THBS4: variants seen among roughly 807,000 people sequenced by gnomAD.
THBS4 encodes thrombospondin 4.
A neutral mutation model predicts 115.7 loss-of-function variants in THBS4; 90 were observed. The observed-to-expected ratio is 0.78, with a 90% CI of 0.66 to 0.93. THBS4 has a LOEUF of 0.93. Ranked by LOEUF, THBS4 falls within the 40% of genes least tolerant of loss-of-function variation. THBS4 has a pLI of 0.00. For missense variants in THBS4, 1,087 were observed against 1,232.7 expected (o/e 0.88, Z 1.77); for synonymous variants, 460 against 479.3 (o/e 0.96, Z 0.53).
At chr5:80,068,338 G>C (rs1326213388) in intron 10 of THBS4, among the ~76,000 whole-genome samples, 1 of 152,110 alleles carries the variant, frequency 6.6e-6, no homozygotes, top group East Asian at 1.9e-4. Flanking sequence ...CTCCCTCTTG[G>C]CTGGGGGGCA....
chr5:80,064,234 C>A (rs1043803499), intron 8 of THBS4, among the ~76,000 whole-genome samples: 27 of 152,320 alleles, frequency 1.8e-4, no homozygotes, highest in African/African-American at 6.0e-4. Flanking sequence ...AGTTCCAAAT[C>A]TGTTATACAT....
At chr5:80,067,771 C>G in intron 9 of THBS4, 1 of 540,088 alleles carries the variant, frequency 1.9e-6, no homozygotes. Context: ...GTCTGAGTGG[C>G]CGGACGCAGC....
intron 5 of THBS4, 61 bp from the exon 6 acceptor site, chr5:80,059,379 C>A: frequency 2.1e-6 from 3 of 1,407,508 alleles, no homozygotes; most frequent in Non-Finnish European, 3.0e-6. Context: ...TGGATTCTTT[C>A]ATTCCTGGAT....
Position 80,000,046 on chromosome 5 carries a change from C to T in THBS4, n.177+1619C>T, listed in dbSNP as rs546192234. Among the ~76,000 whole-genome samples, 26 of 152,198 alleles carry T rather than the reference C, an allele frequency of 1.7e-4. No individual in the cohort carries two copies. The South Asian group carries it at 1.9e-3, about 11-fold the overall frequency. ...CTGAGGCAACAACATTAAAATCAAC[C>T]CAAGAAGTATACTGAGTAGGTATAT... On this transcript the variant is annotated intron_variant and non_coding_transcript_variant, in intron 2 of 3. Transcript: ENST00000510218.
chr5:79,993,851 G>A (rs978078083), intron 1 of THBS4, among the ~76,000 whole-genome samples: 11 of 152,190 alleles, frequency 7.2e-5, no homozygotes, highest in Non-Finnish European at 1.3e-4. Flanking sequence ...TCCCTTATGG[G>A]AAAATTAAAT....
intron 3 of THBS4, among the ~76,000 whole-genome samples, chr5:80,056,673 A>T (rs748434675): frequency 3.9e-5 from 6 of 152,126 alleles, no homozygotes; most frequent in Non-Finnish European, 8.8e-5. Flanking sequence ...TTTGTTTTCT[A>T]TAAAGAACTA....
chr5:80,048,130 A>G (rs1833135013), intron 2 of THBS4, among the ~76,000 whole-genome samples: 1 of 152,130 alleles, frequency 6.6e-6, no homozygotes. Context: ...AATAAAAATA[A>G]TTAAAAATAA....
chr5:80,001,203 C>T (rs140861619), intron 2 of THBS4, among the ~76,000 whole-genome samples: 15 of 152,242 alleles, frequency 9.9e-5, no homozygotes, highest in East Asian at 1.9e-4. Context: ...AGTACAAAAA[C>T]GACATCTAGA....
At chr5:80,075,013 A>G (rs1743124900) in intron 15 of THBS4, among the ~76,000 whole-genome samples, 2 of 152,200 alleles carry the variant, frequency 1.3e-5, no homozygotes, top group South Asian at 4.1e-4. Flanking sequence ...AGTCCCTTAT[A>G]TAAAATGATG....
At chr5:80,024,677 A>G (rs1580920088) in intron 2 of THBS4, among the ~76,000 whole-genome samples, 1 of 152,292 alleles carries the variant, frequency 6.6e-6, no homozygotes, top group African/African-American at 2.4e-5. Flanking sequence ...GGTGACCACA[A>G]CCATTTTGGC....
chr5:80,001,470 C>G (rs1047553633), intron 2 of THBS4, among the ~76,000 whole-genome samples: 1 of 152,162 alleles, frequency 6.6e-6, no homozygotes, highest in Non-Finnish European at 1.5e-5. Context: ...GAATGGCGTA[C>G]ATGGAGGAGA....
At chr5:80,029,137 G>A (rs1832537191) in intron 2 of THBS4, among the ~76,000 whole-genome samples, 1 of 152,098 alleles carries the variant, frequency 6.6e-6, no homozygotes, top group Admixed American at 6.5e-5. Context: ...AAAATTCCCA[G>A]CTACTTGGGA....
At chr5:80,070,219 G>C in intron 10 of THBS4, 87 bp from the exon 11 acceptor site, 1 of 1,153,552 alleles carries the variant, frequency 8.7e-7, no homozygotes. Context: ...CCCTGGGATT[G>C]AGCAAAGGAG....
chr5:80,059,726 A>G lies in THBS4; in HGVS notation c.808A>G (p.Thr270Ala), dbSNP rs1240149290. The change falls in exon 7 of 22, where the codon ACC becomes GCC. Residue 270 changes from threonine to alanine, a missense_variant. Transcript: ENST00000350881. ...ACGPLKFQSP[T>A]PSTVVPPAPP... is the part of the protein sequence containing the mutation. Reference sequence around the variant, plus strand: ...AGGTCCTCTCAAGTTTCAGTCTCCGACCCCAAGCACGGTGGTGCCCCCGGC... The same window carrying G: ...AGGTCCTCTCAAGTTTCAGTCTCCGGCCCCAAGCACGGTGGTGCCCCCGGC... The G allele has an allele frequency of 3.7e-6, 6 of 1,614,018 alleles. No individual in the cohort carries two copies. The highest frequency in any genetic ancestry group is 5.1e-6 in the Non-Finnish European group (6 of 1,179,990).
intron 8 of THBS4, among the ~76,000 whole-genome samples, chr5:80,064,430 T>C (rs1833740402): frequency 6.6e-6 from 1 of 152,182 alleles, no homozygotes; most frequent in African/African-American, 2.4e-5. Context: ...AAAATGGCAG[T>C]TTATATAAAG....
intron 9 of THBS4, 144 bp downstream of exon 9, chr5:80,065,621 T>A (rs1833792032): frequency 1.7e-6 from 1 of 595,556 alleles, no homozygotes; most frequent in African/African-American, 1.9e-5. Flanking sequence ...AAGTTTGTGC[T>A]GAAAAAGTGT....
intron 20 of THBS4, among the ~76,000 whole-genome samples, chr5:80,081,324 A>G (rs1038767383): frequency 6.6e-6 from 1 of 152,348 alleles, no homozygotes; most frequent in African/African-American, 2.4e-5. Flanking sequence ...TTTATTATAA[A>G]TATTTTGAAA....
chr5:80,030,519 C>G (rs980252980), upstream of THBS4, among the ~76,000 whole-genome samples: 4 of 152,112 alleles, frequency 2.6e-5, no homozygotes, highest in African/African-American at 9.7e-5. Flanking sequence ...AGGTGCCCAC[C>G]ACCATGCCTG....
At chr5:80,079,336 T>A in intron 19 of THBS4, 78 bp downstream of exon 19, 6 of 1,439,970 alleles carry the variant, frequency 4.2e-6, no homozygotes, top group Non-Finnish European at 5.5e-6. Context: ...TTTTCCCATG[T>A]GGTACTTAGT....
Sources: gnomAD v4.1 joint callset for allele counts (sites outside exome capture counted in the v4.1 genomes callset) on GRCh38, gnomAD v4.1.1 for gene constraint, MANE v1.5 for transcripts, NCBI Gene and HGNC (gene_info 2026-07-23, HGNC 2026-07-21) for gene names.